Variants in CACNA1S observed in about 807,000 individuals in gnomAD.
CACNA1S encodes the protein voltage-dependent L-type calcium channel subunit alpha-1S.
Under a neutral mutation model 207.4 loss-of-function variants are expected in CACNA1S, and 126 were observed. The observed-to-expected ratio is 0.61, with a 90% CI of 0.53 to 0.70. The LOEUF is 0.70. Ranked by LOEUF, CACNA1S falls within the 30% of genes least tolerant of loss-of-function variation. CACNA1S has a pLI of 0.00. For missense variants in CACNA1S, 2,349 were observed against 2,422.8 expected (o/e 0.97, Z 0.64); for synonymous variants, 960 against 932.7 (o/e 1.03, Z -0.53).
At chr1:201,104,916 G>T (rs1662819961) in intron 2 of CACNA1S, among the ~76,000 whole-genome samples, 1 of 152,196 alleles carries the variant, frequency 6.6e-6, no homozygotes, top group Non-Finnish European at 1.5e-5. Flanking sequence ...CTGCGCTGTG[G>T]TTTACTCCTC....
At chr1:201,077,278 C>T (rs1661664746) in intron 11 of CACNA1S, 151 bp from the exon 12 acceptor site, 2 of 684,324 alleles carry the variant, frequency 2.9e-6, no homozygotes, top group Non-Finnish European at 5.3e-6. Context: ...TTCATGGCTG[C>T]ATGCCCACTC....
chr1:201,061,903 G>C, intron 24 of CACNA1S, 41 bp downstream of exon 24: 1 of 1,612,752 alleles, frequency 6.2e-7, no homozygotes, highest in Non-Finnish European at 8.5e-7. Flanking sequence ...GGTCCTACCT[G>C]ACCATGTCCA....
rs1475354525 is a variant in CACNA1S at position 201,092,121 on chromosome 1, T to A, written c.399-7A>T. 1 of 1,613,828 alleles carries A rather than the reference T, an allele frequency of 6.2e-7. No homozygotes were observed. Among genetic ancestry groups the A allele is most frequent in the Non-Finnish European group, 8.5e-7 (1 of 1,179,932 alleles). ...CAGAATCACGGTGAAGACCCTAGAA[T>A]GGAGAAGAGGGAGAGAGGGGGTCCA... On this transcript the variant is annotated splice_region_variant and splice_polypyrimidine_tract_variant and intron_variant, in intron 3 of 43. Coordinates refer to ENST00000362061, the MANE Select transcript of CACNA1S (RefSeq NM_000069.3).
intron 10 of CACNA1S, among the ~76,000 whole-genome samples, chr1:201,082,060 C>T (rs1399920312): frequency 7.1e-5 from 10 of 140,134 alleles, no homozygotes; most frequent in African/African-American, 2.4e-4. Context: ...GACAGAGTCT[C>T]GCTCTGTCAC....
chr1:201,087,055 A>G (rs1662058996), intron 7 of CACNA1S, among the ~76,000 whole-genome samples: 1 of 152,214 alleles, frequency 6.6e-6, no homozygotes, highest in South Asian at 2.1e-4. Flanking sequence ...AATGGGGAAG[A>G]AGGCTGATGG....
rs115342744 is a variant in CACNA1S at position 201,112,158 on chromosome 1, C to G, written c.152+30G>C. 238 of 1,598,358 alleles carry G rather than the reference C, an allele frequency of 1.5e-4. No individual in the cohort carries two copies. The Admixed American group carries it at 2.1e-3, about 14-fold the overall frequency. On this transcript the variant is annotated intron_variant, in intron 1 of 43. Transcript: ENST00000362061. ...GAATCCCTCCCTCATGACGCACACC[C>G]CCCCCCACGGCCCGGGCCCTGAAGG...
chr1:201,063,585 A>G lies in CACNA1S; in HGVS notation c.2854-1071T>C, dbSNP rs147501976. Among the ~76,000 whole-genome samples, 768 of 152,246 alleles carry G rather than the reference A, an allele frequency of 5.0e-3. 3 individuals carry two copies. The highest frequency in any genetic ancestry group is 0.017 in the Middle Eastern group (5 of 294). On this transcript the variant is annotated intron_variant, in intron 22 of 43. Transcript: ENST00000362061. ...ATTACAGGCATGAGCCACCGCGTCC[A>G]GCAGGATGGCTAGGTCTTAAAGAGG...
In CACNA1S at chr1:201,047,121, C is replaced by G. The variant is rs758714945; in HGVS notation, c.4662G>C (p.Gln1554His). The change falls in exon 38 of 44, where the codon CAG becomes CAC. Residue 1554 changes from glutamine to histidine, a missense_variant. Gln to His is a conservative substitution (Grantham distance 24, BLOSUM62 0). Transcript: ENST00000362061. ...YGYRPKKDIV[Q>H]IQAGLRTIEE... ...ATACCTGGATTGGGCTTACCTGGATCTGTACAATGTCCTTCTTGGGCCGAT... is the reference window on the plus strand; with the variant it reads ...ATACCTGGATTGGGCTTACCTGGATGTGTACAATGTCCTTCTTGGGCCGAT... The G allele has an allele frequency of 6.2e-7, 1 of 1,614,222 alleles. No individual in the cohort carries two copies. Among genetic ancestry groups the G allele is most frequent in the South Asian group, 1.1e-5 (1 of 91,090 alleles).
chr1:201,103,982 C>G (rs1044892455), intron 2 of CACNA1S, among the ~76,000 whole-genome samples: 2 of 148,364 alleles, frequency 1.3e-5, no homozygotes, highest in Non-Finnish European at 3.0e-5. Flanking sequence ...TCTTGCAGAG[C>G]TTGCCAGGCC....
At chr1:201,090,171 G>A (rs1193162262) in intron 5 of CACNA1S, among the ~76,000 whole-genome samples, 1 of 152,158 alleles carries the variant, frequency 6.6e-6, no homozygotes, top group Non-Finnish European at 1.5e-5. Context: ...CTCTGAAGAT[G>A]GAAAGGAGAG....
chr1:201,042,696 G>A (rs1507147), intron 40 of CACNA1S, among the ~76,000 whole-genome samples: 57,502 of 152,014 alleles, frequency 0.38, 11,397 homozygotes, highest in African/African-American at 0.49. Flanking sequence ...GAGGCCTGGG[G>A]CTAAGCCTTT....
In CACNA1S at chr1:201,081,680, T is replaced by C. The variant is rs115572281; in HGVS notation, c.1393+1482A>G. On this transcript the variant is annotated intron_variant, in intron 10 of 43. Transcript: ENST00000362061. ...CCTGCCCAAATCTCATGTGGAAATG[T>C]AATTCCCAATGCTGGAGCTGGGGCC... is the stretch of plus-strand genomic sequence containing the variant. 7.4e-3 allele frequency among the ~76,000 whole-genome samples: 1,128 copies of C among 152,286 alleles called. 12 individuals carry two copies. The highest frequency in any genetic ancestry group is 0.011 in the Non-Finnish European group (751 of 68,028).
rs760996382 is a variant in CACNA1S, at chr1:201,094,047, A to T, written c.259-26T>A. 9.3e-6 allele frequency: 15 copies of T among 1,613,856 alleles called. No homozygotes were observed. The South Asian group carries it at 1.5e-4, about 17-fold the overall frequency. On this transcript the variant is annotated intron_variant, in intron 2 of 43. Transcript: ENST00000362061. ...CTGTGGGAGCAAACGTGGTCACAGC[A>T]TGCCTCTGTGCTCTCTGAGTGCACC...
In CACNA1S at chr1:201,059,170, C is replaced by T. The variant is rs768948072; in HGVS notation, c.3525+19G>A. The T allele has an allele frequency of 1.1e-5, 16 of 1,519,876 alleles. No individual in the cohort carries two copies. The highest frequency in any genetic ancestry group is 2.2e-5 in the East Asian group (1 of 44,462). The allele number at this position is 1,519,876 out of a possible 1,614,324, so 94.1% of individuals were successfully genotyped here. The stretch of plus-strand genomic sequence containing the variant: ...ACCAGCCCCAGCTTCTCATCTGGCC[C>T]GGTGGCCCCCACACTCACCCTGGCC... On this transcript the variant is annotated intron_variant, in intron 27 of 43. Coordinates refer to ENST00000362061, the MANE Select transcript of CACNA1S (RefSeq NM_000069.3).
chr1:201,109,264 G>T (rs546418128), intron 2 of CACNA1S, among the ~76,000 whole-genome samples: 1 of 147,938 alleles, frequency 6.8e-6, no homozygotes, highest in East Asian at 2.0e-4. Context: ...AAAAAAAGAG[G>T]TTCTAAAATC....
At position 201,062,459 on chromosome 1, in the gene CACNA1S, T is replaced by C. The variant is rs776538015; in HGVS notation, c.2906+3A>G. On this transcript the variant is annotated splice_donor_region_variant and intron_variant, in intron 23 of 43. Coordinates refer to ENST00000362061, the MANE Select transcript of CACNA1S (RefSeq NM_000069.3). ...GTCCCACTGTGCTCCCTGCCCCATG[T>C]ACCTGCACTCCTCCTCTGTCATCTT... 3 of 1,613,182 alleles carry C rather than the reference T, an allele frequency of 1.9e-6. No individual in the cohort carries two copies. The highest frequency in any genetic ancestry group is 2.5e-6 in the Non-Finnish European group (3 of 1,179,546).
In CACNA1S at chr1:201,112,341, G is replaced by A. The variant is rs755442307; in HGVS notation, c.-2C>T. The A allele has an allele frequency of 1.9e-6, 3 of 1,612,134 alleles. No homozygotes were observed. The highest frequency in any genetic ancestry group is 3.3e-5 in the Admixed American group (2 of 59,908). On this transcript the variant is annotated 5_prime_UTR_variant, in exon 1 of 44. Coordinates refer to ENST00000362061, the MANE Select transcript of CACNA1S (RefSeq NM_000069.3). The stretch of plus-strand genomic sequence containing the variant: ...ATCCTGGGGTGAGGATGGCTCCATG[G>A]CTTCCCTGGGAATCTGGCTTTCTCC...
At chr1:201,102,412 G>A (rs527287520) in intron 2 of CACNA1S, among the ~76,000 whole-genome samples, 3 of 152,240 alleles carry the variant, frequency 2.0e-5, no homozygotes, top group South Asian at 2.1e-4. Context: ...GCAGGCCCTC[G>A]TCAGCCTCGG....
At chr1:201,067,777 G>A (rs936740910) in intron 19 of CACNA1S, among the ~76,000 whole-genome samples, 20 of 152,068 alleles carry the variant, frequency 1.3e-4, no homozygotes, top group Non-Finnish European at 2.8e-4. Context: ...TCTGGCTCTC[G>A]TGCCCCAAAC....
Sources: gnomAD v4.1 joint callset for allele counts (sites outside exome capture counted in the v4.1 genomes callset) on GRCh38, gnomAD v4.1.1 for gene constraint, MANE v1.5 for transcripts, NCBI Gene and HGNC (gene_info 2026-07-23, HGNC 2026-07-21) for gene names.